Variants in GRK6 observed in about 807,000 individuals in gnomAD.
GRK6 encodes the protein G protein-coupled receptor kinase 6.
Under a neutral mutation model 80.8 loss-of-function variants are expected in GRK6, and 37 were observed. That is an observed-to-expected ratio of 0.46 (90% CI 0.35 to 0.60). The LOEUF (loss-of-function observed/expected upper bound fraction) is 0.60, where lower values mean the gene tolerates loss of function less well. Among genes scored for constraint, GRK6 ranks in the 20% least tolerant of loss-of-function variants. The pLI is 0.00. For synonymous variants in GRK6, 295 were observed against 320.9 expected, an observed-to-expected ratio of 0.92 and a Z score of 0.86; for missense variants, 560 against 784.6, an observed-to-expected ratio of 0.71 and a Z score of 3.42.
intron 13 of GRK6, among the ~76,000 whole-genome samples, chr5:177,439,197 T>C (rs1023252854): frequency 6.6e-6 from 1 of 152,226 alleles, no homozygotes; most frequent in African/African-American, 2.4e-5. Flanking sequence ...AACAGCTCTA[T>C]TGAGTTTAAT....
intron 13 of GRK6, chr5:177,438,630 C>T (rs1019445347): frequency 2.0e-4 from 31 of 152,234 alleles, no homozygotes; most frequent in African/African-American, 7.5e-4. Flanking sequence ...CCCGTGCAGG[C>T]AAAGAGGAGT....
chr5:177,441,304 G>A, intron 15 of GRK6: 1 of 1,551,174 alleles, frequency 6.4e-7, no homozygotes, highest in Non-Finnish European at 8.7e-7. Context: ...GGGAGCCACG[G>A]GCAGCCCTTC....
intron 11 of GRK6, 25 bp downstream of exon 11, chr5:177,435,146 T>A: frequency 6.5e-7 from 1 of 1,548,890 alleles, no homozygotes; most frequent in Non-Finnish European, 8.8e-7. Context: ...CCCGGCCCAC[T>A]AGCCTCCTGG....
At position 177,433,637 on chromosome 5, in the gene GRK6, C is replaced by T. The variant is rs146726245; in HGVS notation, c.699C>T (p.Asn233=). Residue 233 remains asparagine, a synonymous_variant, in exon 8 of 16, where the codon AAC becomes AAT. Coordinates refer to ENST00000355472, the MANE Select transcript of GRK6 (RefSeq NM_001004106.3). The part of the protein sequence containing the change: ...KKRKGEAMAL[N]EKQILEKVNS... Reference sequence around the variant, plus strand: ...GGAAAGGGGAGGCCATGGCGCTGAACGAGAAGCAGATCCTGGAGAAAGTGA... The same window carrying T: ...GGAAAGGGGAGGCCATGGCGCTGAATGAGAAGCAGATCCTGGAGAAAGTGA... 1,473 of 1,614,114 alleles carry T rather than the reference C, an allele frequency of 9.1e-4. 10 individuals carry two copies. The highest frequency in any genetic ancestry group is 5.4e-3 in the South Asian group (489 of 91,090).
In GRK6 at chr5:177,433,285, T is replaced by C. The variant is rs1389871732; in HGVS notation, c.533+46T>C. The C allele has an allele frequency of 1.2e-6, 2 of 1,613,476 alleles. 1 individual carries two copies. The highest frequency in any genetic ancestry group is 2.2e-5 in the South Asian group (2 of 91,062). ...GCCGGGACAGGCCAGGTCGCCGGGG[T>C]TCTTCATAGGCCTTGGGCTCTCCTG... On this transcript the variant is annotated intron_variant, in intron 6 of 15. Transcript: ENST00000355472.
At chr5:177,441,405 C>T (rs1271444719) in intron 15 of GRK6, 4 of 899,436 alleles carry the variant, frequency 4.4e-6, no homozygotes, top group African/African-American at 3.3e-5. Flanking sequence ...CTGGCCCCTT[C>T]GAGCTGCCAG....
chr5:177,430,707 G>A, intron 1 of GRK6, 165 bp from the exon 2 acceptor site: 2 of 625,138 alleles, frequency 3.2e-6, no homozygotes, highest in Non-Finnish European at 5.8e-6. Flanking sequence ...CGTGTGTCCT[G>A]GAACGCAGCA....
intron 15 of GRK6, 118 bp from the exon 16 acceptor site, chr5:177,441,619 C>A: frequency 1.2e-6 from 1 of 867,004 alleles, no homozygotes. Context: ...CCCCAGAGTG[C>A]ACCCCTCAGG....
Position 177,436,490 on chromosome 5 carries a change from G to A in GRK6, c.1364G>A (p.Arg455Gln), listed in dbSNP as rs1266819208. Residue 455 changes from arginine (R) to glutamine (Q), a missense_variant, in exon 13 of 16, where the codon CGG (arginine) becomes CAG (glutamine). Transcript: ENST00000355472. The part of the protein sequence containing the change: ...HPLFKKLNFK[R>Q]LGAGMLEPPF... ...CTCTTTAAGAAGCTGAACTTCAAGC[G>A]GCTGGGAGCTGGCATGCTGGAGCCG... is the stretch of plus-strand genomic sequence containing the variant. 3.1e-6 allele frequency: 5 copies of A among 1,609,568 alleles called. No homozygotes were observed. The highest frequency in any genetic ancestry group is 2.2e-5 in the East Asian group (1 of 44,862).
chr5:177,439,244 A>C (rs1764331402), intron 13 of GRK6, among the ~76,000 whole-genome samples: 1 of 152,154 alleles, frequency 6.6e-6, no homozygotes, highest in South Asian at 2.1e-4. Context: ...CACCCATTTA[A>C]AGTGTACAAT....
intron 15 of GRK6, 93 bp from the exon 16 acceptor site, chr5:177,441,644 C>A (rs568372190): frequency 1.8e-6 from 2 of 1,081,604 alleles, no homozygotes; most frequent in African/African-American, 1.5e-5. Context: ...TCCTGGCCTG[C>A]CCTGGCAGGG....
At chr5:177,436,681 G>A in intron 13 of GRK6, 151 bp downstream of exon 13, 2 of 802,216 alleles carry the variant, frequency 2.5e-6, no homozygotes, top group Non-Finnish European at 3.8e-6. Context: ...TCACAAAAAG[G>A]AAAAGCCCCA....
At chr5:177,430,703 T>TC (rs1763850499) in intron 1 of GRK6, 169 bp from the exon 2 acceptor site, 1 of 620,970 alleles carries the variant, frequency 1.6e-6, no homozygotes, top group Admixed American at 2.9e-5. Flanking sequence ...AGCACGTGTG[T>TC]CCTGGAACGC....
At chr5:177,434,443 A>C (rs751203289) in intron 9 of GRK6, among the ~76,000 whole-genome samples, 1 of 152,146 alleles carries the variant, frequency 6.6e-6, no homozygotes, top group Admixed American at 6.5e-5. Context: ...AGTAGGCCCA[A>C]CTTCCTACTG....
chr5:177,440,857 G>A lies in GRK6; in HGVS notation c.1542+20G>A, dbSNP rs1221861787. ...AACGAGGTGGGGGCCTGCCCTGCTG[G>A]TGGGGTGGGCTCCAGGAGGCTGCCC... On this transcript the variant is annotated intron_variant, in intron 14 of 15. Transcript: ENST00000355472. 2 of 1,613,856 alleles carry A rather than the reference G, an allele frequency of 1.2e-6. No individual in the cohort carries two copies. The highest frequency in any genetic ancestry group is 1.7e-6 in the Non-Finnish European group (2 of 1,179,898).
upstream of GRK6, among the ~76,000 whole-genome samples, chr5:177,425,905 C>A (rs549017838): frequency 6.6e-5 from 10 of 152,364 alleles, no homozygotes; most frequent in South Asian, 4.1e-4. Flanking sequence ...CCTCAGCTCC[C>A]CACCTGTATA....
chr5:177,432,631 C>G, intron 4 of GRK6, 75 bp from the exon 5 acceptor site: 6 of 1,078,654 alleles, frequency 5.6e-6, no homozygotes, highest in Non-Finnish European at 8.1e-6. Flanking sequence ...CCCGAGTTGC[C>G]TGACCCCTCT....
At chr5:177,432,989 C>T (rs949358348) in intron 5 of GRK6, among the ~76,000 whole-genome samples, 158 bp from the exon 6 acceptor site, 1 of 152,232 alleles carries the variant, frequency 6.6e-6, no homozygotes, top group Non-Finnish European at 1.5e-5. Flanking sequence ...AGCTTCAGCA[C>T]AGGCTGTGTG....
At position 177,432,323 on chromosome 5, in the gene GRK6, C is replaced by T. The variant is rs754512175; in HGVS notation, c.339+13C>T. On this transcript the variant is annotated intron_variant, in intron 4 of 15. Transcript: ENST00000355472. ...TCTGAGCCACACGGTGAGTGAGCAG[C>T]GATGGAGAGATGATGGGAGCCACCA... 16 of 1,610,900 alleles carry T rather than the reference C, an allele frequency of 9.9e-6. No homozygotes were observed. The highest frequency in any genetic ancestry group is 1.4e-5 in the Non-Finnish European group (16 of 1,178,864).
Sources: allele counts gnomAD v4.1 joint callset (sites outside exome capture counted in the v4.1 genomes callset), GRCh38; gene constraint gnomAD v4.1.1; transcripts MANE v1.5; gene names NCBI Gene and HGNC (gene_info 2026-07-23, HGNC 2026-07-21).